Variants in DKK2 observed in about 807,000 individuals in gnomAD.
The protein encoded by DKK2 is dickkopf-related protein 2.
In DKK2, 11 loss-of-function variants were observed where a neutral mutation model predicts 28.1. That is an observed-to-expected ratio of 0.39 (90% CI 0.25 to 0.65). DKK2 has a LOEUF of 0.65. Among genes scored for constraint, DKK2 ranks in the 30% least tolerant of loss-of-function variants. DKK2 has a pLI of 0.47. For synonymous variants in DKK2, 135 were observed against 126.5 expected (o/e 1.07, Z -0.45); for missense variants, 326 against 335.5 (o/e 0.97, Z 0.22).
chr4:106,998,075 C>T (rs1008798227), intron 1 of DKK2, among the ~76,000 whole-genome samples: 1 of 152,084 alleles, frequency 6.6e-6, no homozygotes, highest in Non-Finnish European at 1.5e-5. Context: ...TATGAAACAC[C>T]CTTTTTGTGA....
intron 1 of DKK2, among the ~76,000 whole-genome samples, chr4:106,976,883 T>C (rs1284308951): frequency 4.6e-5 from 7 of 152,210 alleles, no homozygotes; most frequent in Non-Finnish European, 4.4e-5. Flanking sequence ...GTACTGTTTT[T>C]TCTATTCCAT....
At position 106,992,896 on chromosome 4, in the gene DKK2, C is replaced by G. The variant is rs148368352; in HGVS notation, c.222+42474G>C. Among the ~76,000 whole-genome samples the G allele has an allele frequency of 1.6e-3, 238 of 152,340 alleles. 3 individuals are homozygous for G. The highest frequency in any genetic ancestry group is 1.8e-4 in the Non-Finnish European group (12 of 68,040). Reference sequence around the variant, plus strand: ...TTGTTGTTGTTGCATAGATGTCTAACTGGGACCTCAACAGGTGTCTTTGTG... The same window carrying G: ...TTGTTGTTGTTGCATAGATGTCTAAGTGGGACCTCAACAGGTGTCTTTGTG... On this transcript the variant is annotated intron_variant, in intron 1 of 3. Transcript: ENST00000285311.
At chr4:107,030,087 T>C (rs1723853390) in intron 1 of DKK2, among the ~76,000 whole-genome samples, 1 of 152,098 alleles carries the variant, frequency 6.6e-6, no homozygotes, top group Non-Finnish European at 1.5e-5. Context: ...TAGTGATACA[T>C]AAACTAATTA....
chr4:106,938,155 C>G (rs1383804128), intron 1 of DKK2, among the ~76,000 whole-genome samples: 4 of 147,546 alleles, frequency 2.7e-5, no homozygotes, highest in African/African-American at 7.5e-5. Context: ...ACAAAAAACC[C>G]TTCAAAAAAT....
intron 1 of DKK2, among the ~76,000 whole-genome samples, chr4:107,008,879 A>C (rs1723476726): frequency 6.6e-6 from 1 of 152,030 alleles, no homozygotes; most frequent in Non-Finnish European, 1.5e-5. Flanking sequence ...GTTAAGCAGA[A>C]ATTTTCAAGG....
chr4:106,957,436 G>A (rs1722611666), intron 1 of DKK2, among the ~76,000 whole-genome samples: 1 of 151,992 alleles, frequency 6.6e-6, no homozygotes. Flanking sequence ...TCATGCTGCT[G>A]TAAAGACACA....
At chr4:106,989,948 A>G (rs1723180463) in intron 1 of DKK2, among the ~76,000 whole-genome samples, 1 of 152,166 alleles carries the variant, frequency 6.6e-6, no homozygotes, top group South Asian at 2.1e-4. Context: ...CTTTAGTTTA[A>G]CCCAACATAG....
chr4:107,007,678 G>A (rs1441217220), intron 1 of DKK2, among the ~76,000 whole-genome samples: 1 of 152,098 alleles, frequency 6.6e-6, no homozygotes, highest in Non-Finnish European at 1.5e-5. Flanking sequence ...GTGGATATCA[G>A]TGTGGCTTCA....
intron 1 of DKK2, among the ~76,000 whole-genome samples, chr4:106,942,757 T>C (rs1271405259): frequency 1.3e-5 from 2 of 152,148 alleles, no homozygotes; most frequent in East Asian, 3.9e-4. Context: ...TCTGTAATCT[T>C]ATTCTTGTTT....
chr4:106,950,529 G>A (rs972261779), intron 1 of DKK2, among the ~76,000 whole-genome samples: 11 of 151,288 alleles, frequency 7.3e-5, no homozygotes, highest in African/African-American at 2.7e-4. Flanking sequence ...CTCACTCAGC[G>A]TGAACACCCA....
At chr4:106,939,925 G>A (rs1485462849) in intron 1 of DKK2, among the ~76,000 whole-genome samples, 1 of 152,164 alleles carries the variant, frequency 6.6e-6, no homozygotes, top group African/African-American at 2.4e-5. Context: ...GCTGAAACTG[G>A]ATCCCTTCCT....
intron 1 of DKK2, among the ~76,000 whole-genome samples, chr4:106,936,958 T>C (rs1040844384): frequency 1.3e-5 from 2 of 151,858 alleles, no homozygotes; most frequent in Admixed American, 6.6e-5. Flanking sequence ...AAAGAGCTCC[T>C]GAAGGAAGCG....
chr4:106,940,371 C>G, intron 1 of DKK2, among the ~76,000 whole-genome samples: 1 of 152,038 alleles, frequency 6.6e-6, no homozygotes, highest in East Asian at 1.9e-4. Flanking sequence ...CTCATCATCA[C>G]TGGCCGTCAG....
At chr4:107,030,875 A>C (rs1375145656) in intron 1 of DKK2, among the ~76,000 whole-genome samples, 1 of 152,028 alleles carries the variant, frequency 6.6e-6, no homozygotes, top group African/African-American at 2.4e-5. Context: ...TAATCTTAAA[A>C]TTATAAGTTT....
intron 1 of DKK2, among the ~76,000 whole-genome samples, chr4:106,963,284 C>T (rs930590029): frequency 7.9e-5 from 12 of 151,210 alleles, no homozygotes; most frequent in Admixed American, 1.3e-4. Context: ...ACCCTGGAGA[C>T]GGAGGTTTCA....
At chr4:107,006,651 C>T (rs964939696) in intron 1 of DKK2, among the ~76,000 whole-genome samples, 3 of 152,070 alleles carry the variant, frequency 2.0e-5, no homozygotes, top group Non-Finnish European at 4.4e-5. Context: ...TTACTCTGCT[C>T]GCCCCTTCCC....
intron 1 of DKK2, among the ~76,000 whole-genome samples, chr4:106,991,717 A>C (rs922249285): frequency 6.6e-6 from 1 of 152,160 alleles, no homozygotes. Context: ...ACACACATAC[A>C]TGCACACACA....
At position 107,005,358 on chromosome 4, in the gene DKK2, AAAAC is replaced by A. The variant is rs1350472047; in HGVS notation, c.222+30008_222+30011del. On this transcript the variant is annotated intron_variant, in intron 1 of 3. Transcript: ENST00000285311. ...TTGGTCTCAAAAAAAAAAAAAAAAA[AAAAC>A]AAAAACAAAAGATGATTATTTGTTT... Among the ~76,000 whole-genome samples, 278 of 149,746 alleles carry A rather than the reference AAAAC, an allele frequency of 1.9e-3. 1 individual carries two copies. The highest frequency in any genetic ancestry group is 6.4e-3 in the African/African-American group (259 of 40,202).
Position 107,035,353 on chromosome 4 carries a change from T to C in DKK2, c.222+17A>G. ...CTGCCTCTTCTGTCTGAAGAATGTG[T>C]TTGGGGGTTTTCCTACCTGCCCCAG... On this transcript the variant is annotated intron_variant, in intron 1 of 3. Transcript: ENST00000285311. 1.2e-6 allele frequency: 2 copies of C among 1,613,670 alleles called. No homozygotes were observed. Among genetic ancestry groups the C allele is most frequent in the Non-Finnish European group, 1.7e-6 (2 of 1,179,592 alleles).
Sources: allele counts gnomAD v4.1 joint callset (sites outside exome capture counted in the v4.1 genomes callset), GRCh38; gene constraint gnomAD v4.1.1; transcripts MANE v1.5; gene names NCBI Gene and HGNC (gene_info 2026-07-23, HGNC 2026-07-21).